Variants in CYP2A13 observed in about 807,000 individuals in gnomAD.
CYP2A13 encodes cytochrome P450 2A13.
In CYP2A13, 30 loss-of-function variants were observed where a neutral mutation model predicts 39.4. That is an observed-to-expected ratio of 0.76 (90% CI 0.57 to 1.03). The LOEUF is 1.03. Ranked by LOEUF, CYP2A13 falls within the 50% of genes least tolerant of loss-of-function variation. CYP2A13 has a pLI of 0.00. For synonymous variants in CYP2A13, 269 were observed against 254.7 expected (o/e 1.06, Z -0.54); for missense variants, 731 against 648.4 (o/e 1.13, Z -1.38).
intron 3 of CYP2A13, 49 bp downstream of exon 3, chr19:41,090,245 T>C: frequency 6.5e-7 from 1 of 1,548,856 alleles, no homozygotes; most frequent in Non-Finnish European, 8.7e-7. Flanking sequence ...GCTTTCTGCC[T>C]GGGGATGGGG....
chr19:41,091,752 G>A lies in CYP2A13; in HGVS notation c.675G>A (p.Ser225=), dbSNP rs141115741. ...CCCAGCTCTATGAGATGTTCTCTTC[G>A]GTGATGAAACACCTGCCAGGACCAC... ...STGQLYEMFS[S]VMKHLPGPQQ... is the part of the protein sequence containing the mutation. Residue 225 remains serine, a synonymous_variant, in exon 5 of 9, where the codon TCG becomes TCA. Coordinates refer to ENST00000330436, the MANE Select transcript of CYP2A13 (RefSeq NM_000766.5). 3.9e-4 allele frequency: 631 copies of A among 1,613,882 alleles called. No homozygotes were observed. Among genetic ancestry groups the A allele is most frequent in the South Asian group, 5.7e-4 (52 of 91,060 alleles).
At position 41,090,064 on chromosome 19, in the gene CYP2A13, G is replaced by T; in HGVS notation, c.361G>T (p.Gly121Trp). The T allele has an allele frequency of 1.2e-6, 2 of 1,612,592 alleles. No individual in the cohort carries two copies. Among genetic ancestry groups the T allele is most frequent in the Non-Finnish European group, 8.5e-7 (1 of 1,179,590 alleles). The change falls in exon 3 of 9, where the codon GGG becomes TGG. Residue 121 changes from glycine to tryptophan, a missense_variant. Gly to Trp is a radical substitution (Grantham distance 184, BLOSUM62 -2). Transcript: ENST00000330436. Reference protein sequence around the residue: ...FKGYGVAFSNGERAKQLRRFS... With the variant: ...FKGYGVAFSNWERAKQLRRFS... ...CTCCCCAGGCGTGGCGTTCAGCAAC[G>T]GGGAGCGCGCCAAGCAGCTCCGGCG...
rs779137022 is a variant in CYP2A13, at chr19:41,095,772, G to A, written c.1316G>A (p.Cys439Tyr). 5.3e-5 allele frequency: 86 copies of A among 1,613,966 alleles called. No homozygotes were observed. The highest frequency in any genetic ancestry group is 6.9e-5 in the Non-Finnish European group (81 of 1,179,990). ...CTCTCCTCCTCAGGAAAGCGGTACT[G>A]TTTTGGAGAAGGCCTGGCCAGAATG... ...FVPFSIGKRYCFGEGLARMEL... is the reference protein window; with the variant it reads ...FVPFSIGKRYYFGEGLARMEL... Residue 439 changes from cysteine to tyrosine, a missense_variant, in exon 9 of 9, where the codon TGT (cysteine) becomes TAT (tyrosine). By Grantham distance (194) the Cys-to-Tyr change is radical. Coordinates refer to ENST00000330436, the MANE Select transcript of CYP2A13 (RefSeq NM_000766.5).
chr19:41,089,246 G>T (rs1291296018), intron 2 of CYP2A13, among the ~76,000 whole-genome samples, 155 bp downstream of exon 2: 1 of 151,948 alleles, frequency 6.6e-6, no homozygotes, highest in Non-Finnish European at 1.5e-5. Context: ...GCCTCTCCCT[G>T]TGCGTCCCTC....
At chr19:41,089,184 G>A (rs2031112049) in intron 2 of CYP2A13, 93 bp downstream of exon 2, 2 of 1,567,706 alleles carry the variant, frequency 1.3e-6, no homozygotes, top group Admixed American at 1.8e-5. Flanking sequence ...CCCACTGGAG[G>A]CTATGGCAGA....
intron 5 of CYP2A13, among the ~76,000 whole-genome samples, chr19:41,093,234 A>G (rs1480845782): frequency 2.0e-5 from 3 of 152,170 alleles, no homozygotes; most frequent in African/African-American, 7.2e-5. Flanking sequence ...TAATTTTTTA[A>G]CAGTTAACAA....
chr19:41,090,616 T>C (rs1158160657), intron 4 of CYP2A13, 52 bp downstream of exon 4: 1 of 1,612,250 alleles, frequency 6.2e-7, no homozygotes, highest in East Asian at 2.2e-5. Flanking sequence ...TGCCAACTGC[T>C]CCCCTACCTG....
At position 41,096,023 on chromosome 19, in the gene CYP2A13, G is replaced by C; in HGVS notation, c.*82G>C. Reference sequence around the variant, plus strand: ...GGGGCGGGGCTTGTGGGAGGGGCGGGGCTAAGAATGGGGGCAGTGGGGGAA... The same window carrying C: ...GGGGCGGGGCTTGTGGGAGGGGCGGCGCTAAGAATGGGGGCAGTGGGGGAA... On this transcript the variant is annotated 3_prime_UTR_variant, in exon 9 of 9. Transcript: ENST00000330436. The C allele has an allele frequency of 7.7e-7, 1 of 1,304,822 alleles. No homozygotes were observed. The highest frequency in any genetic ancestry group is 2.2e-5 in the Admixed American group (1 of 44,946). 80.8% of individuals were successfully genotyped at this position (1,304,822 alleles called of 1,614,324 possible).
At chr19:41,089,402 T>C (rs2031117912) in intron 2 of CYP2A13, among the ~76,000 whole-genome samples, 1 of 151,970 alleles carries the variant, frequency 6.6e-6, no homozygotes, top group Non-Finnish European at 1.5e-5. Context: ...TGGTCCTCTG[T>C]CTTCATTTGT....
In CYP2A13 at chr19:41,089,090, T is replaced by C. The variant is rs1423467907; in HGVS notation, c.342T>C (p.Tyr114=). The part of the protein sequence containing the change: ...QATFDWLFKG[Y]GVAFSNGERA... Reference sequence around the variant, plus strand: ...CCTTCGACTGGCTCTTCAAAGGCTATGGTGAGGGGGTGCCCAAGAGGGGGA... The same window carrying C: ...CCTTCGACTGGCTCTTCAAAGGCTACGGTGAGGGGGTGCCCAAGAGGGGGA... Residue 114 remains tyrosine (Y), a splice_region_variant and synonymous_variant, in exon 2 of 9, where the codon TAT becomes TAC. Coordinates refer to ENST00000330436, the MANE Select transcript of CYP2A13 (RefSeq NM_000766.5). 2 of 1,612,122 alleles carry C rather than the reference T, an allele frequency of 1.2e-6. No homozygotes were observed. Among genetic ancestry groups the C allele is most frequent in the Non-Finnish European group, 1.7e-6 (2 of 1,179,724 alleles).
Position 41,094,258 on chromosome 19 carries a change from G to A in CYP2A13, c.987G>A (p.Glu329=). 1 of 1,614,108 alleles carries A rather than the reference G, an allele frequency of 6.2e-7. No homozygotes were observed. The highest frequency in any genetic ancestry group is 8.5e-7 in the Non-Finnish European group (1 of 1,180,004). Residue 329 remains glutamate (E), a synonymous_variant, in exon 7 of 9, where the codon GAG becomes GAA. Transcript: ENST00000330436. ...CTCCTCCCCCAGCCAAGGTCCATGA[G>A]GAGATTGACAGAGTGATCGGCAAGA... The part of the protein sequence containing the change: ...KHPEVEAKVH[E]EIDRVIGKNR...
rs202058359 is a variant in CYP2A13, at chr19:41,088,986, G to T, written c.238G>T (p.Val80Leu). The T allele has an allele frequency of 8.1e-6, 13 of 1,613,452 alleles. No individual in the cohort carries two copies. Among genetic ancestry groups the T allele is most frequent in the Non-Finnish European group, 9.3e-6 (11 of 1,179,736 alleles). Residue 80 changes from valine (V) to leucine (L), a missense_variant, in exon 2 of 9, where the codon GTG becomes TTG. Coordinates refer to ENST00000330436, the MANE Select transcript of CYP2A13 (RefSeq NM_000766.5). The part of the protein sequence containing the change: ...TIHLGPRRVV[V>L]LCGHDAVKEA... ...TCACTTGGGGCCCCGGCGGGTCGTG[G>T]TGCTGTGCGGACATGATGCCGTCAA...
At chr19:41,094,937 A>G in intron 7 of CYP2A13, 22 bp from the exon 8 acceptor site, 1 of 1,612,788 alleles carries the variant, frequency 6.2e-7, no homozygotes, top group South Asian at 1.1e-5. Flanking sequence ...CTCATTACAC[A>G]CACCTTCCTC....
At chr19:41,091,617 T>G (rs528070138) in intron 4 of CYP2A13, 115 bp from the exon 5 acceptor site, 7 of 1,480,034 alleles carry the variant, frequency 4.7e-6, no homozygotes, top group Non-Finnish European at 2.7e-6. Context: ...CCTAAACACC[T>G]GGACAGATGC....
intron 2 of CYP2A13, 102 bp from the exon 3 acceptor site, chr19:41,089,945 C>G: frequency 7.2e-7 from 1 of 1,395,256 alleles, no homozygotes; most frequent in Non-Finnish European, 9.4e-7. Flanking sequence ...CTCTCCCACC[C>G]CACTCCCTCT....
rs554217077 is a variant in CYP2A13, at chr19:41,095,840, T to C, written c.1384T>C (p.Phe462Leu). Residue 462 changes from phenylalanine (F) to leucine (L), a missense_variant, in exon 9 of 9, where the codon TTC becomes CTC. Transcript: ENST00000330436. ...FFTTIMQNFR[F>L]KSPQSPKDID... ...CACCACCATCATGCAGAACTTTCGC[T>C]TCAAGTCCCCTCAGTCGCCTAAGGA... is the stretch of plus-strand genomic sequence containing the variant. The C allele has an allele frequency of 1.9e-6, 3 of 1,613,970 alleles. No individual in the cohort carries two copies. The highest frequency in any genetic ancestry group is 3.3e-5 in the Admixed American group (2 of 60,002).
intron 8 of CYP2A13, among the ~76,000 whole-genome samples, chr19:41,095,416 G>C (rs2031283101): frequency 6.6e-6 from 1 of 152,050 alleles, no homozygotes; most frequent in South Asian, 2.1e-4. Flanking sequence ...GGGGGGTAGG[G>C]GCATCTAAAC....
rs201429919 is a variant in CYP2A13 at position 41,088,974 on chromosome 19, C to T, written c.226C>T (p.Arg76Trp). 2.1e-5 allele frequency: 34 copies of T among 1,613,840 alleles called. No individual in the cohort carries two copies. Among genetic ancestry groups the T allele is most frequent in the Non-Finnish European group, 2.7e-5 (32 of 1,179,902 alleles). ...GPVFTIHLGP[R>W]RVVVLCGHDA... The stretch of plus-strand genomic sequence containing the variant: ...TGTGTTCACCATTCACTTGGGGCCC[C>T]GGCGGGTCGTGGTGCTGTGCGGACA... Residue 76 changes from arginine to tryptophan, a missense_variant, in exon 2 of 9, where the codon CGG becomes TGG. Transcript: ENST00000330436.
chr19:41,095,099 C>T lies in CYP2A13; in HGVS notation c.1302C>T (p.Ile434=), dbSNP rs779688987. 1.2e-5 allele frequency: 20 copies of T among 1,613,948 alleles called. No individual in the cohort carries two copies. The highest frequency in any genetic ancestry group is 1.6e-4 in the Middle Eastern group (1 of 6,084). ...GTGATGCTTTTGTGCCCTTTTCCAT[C>T]GGTAAGAGACCACTGTTTGCTGCCA... The part of the protein sequence containing the change: ...KKSDAFVPFS[I]GKRYCFGEGL... The change falls in exon 8 of 9, where the codon ATC becomes ATT. Residue 434 remains isoleucine, a splice_region_variant and synonymous_variant. Coordinates refer to ENST00000330436, the MANE Select transcript of CYP2A13 (RefSeq NM_000766.5).
Sources: gnomAD v4.1 joint callset for allele counts (sites outside exome capture counted in the v4.1 genomes callset) on GRCh38, gnomAD v4.1.1 for gene constraint, MANE v1.5 for transcripts, NCBI Gene and HGNC (gene_info 2026-07-23, HGNC 2026-07-21) for gene names.